Variants in LRP1B observed in about 807,000 individuals in gnomAD.
LRP1B encodes LDL receptor related protein 1B, also known as low-density lipoprotein receptor-related protein 1B.
In LRP1B, 217 loss-of-function variants were observed where a neutral mutation model predicts 556.6. The ratio of observed to expected loss-of-function variants is 0.39; its 90% CI spans 0.35 to 0.44. The LOEUF is 0.44. LRP1B is among the 20% of genes least tolerant of loss of function. The pLI is 1.00. For missense variants in LRP1B, 5,053 were observed against 5,620.8 expected (o/e 0.90, Z 3.23); for synonymous variants, 2,047 against 1,865.8 (o/e 1.10, Z -2.50).
intron 6 of LRP1B, among the ~76,000 whole-genome samples, chr2:141,219,851 G>A (rs1231264743): frequency 6.6e-6 from 1 of 152,064 alleles, no homozygotes; most frequent in African/African-American, 2.4e-5. Context: ...TACAGAAGAT[G>A]GGCCTGATTG....
Position 140,492,826 on chromosome 2 carries a change from G to T in LRP1B, c.9035-133C>A, listed in dbSNP as rs969255048. ...TCTGGTAGCTTCAGGGTTTAAAAAG[G>T]ATCATACTGAGCAACGTAGTTGGCA... On this transcript the variant is annotated intron_variant, in intron 56 of 90. Transcript: ENST00000389484. The T allele has an allele frequency of 3.8e-5, 24 of 634,822 alleles. No individual in the cohort carries two copies. In the African/African-American group the frequency reaches 4.2e-4, roughly 11 times the overall value. 39.3% of individuals were successfully genotyped at this position (634,822 alleles called of 1,614,324 possible). A position where few individuals can be genotyped will look rare whatever the true frequency, so the allele number is the denominator to read the frequency against.
At chr2:140,700,049 T>C (rs1268356047) in intron 41 of LRP1B, among the ~76,000 whole-genome samples, 1 of 143,724 alleles carries the variant, frequency 7.0e-6, no homozygotes, top group Non-Finnish European at 1.5e-5. Flanking sequence ...AATCATAATT[T>C]GCTGTACATG....
intron 89 of LRP1B, among the ~76,000 whole-genome samples, chr2:140,237,687 A>G (rs1680768654): frequency 6.6e-6 from 1 of 150,748 alleles, no homozygotes; most frequent in Admixed American, 6.6e-5. Context: ...GAAGCTGTGC[A>G]TGTATTGGTC....
chr2:140,678,002 G>A (rs569759508), intron 41 of LRP1B, among the ~76,000 whole-genome samples: 1 of 152,140 alleles, frequency 6.6e-6, no homozygotes, highest in South Asian at 2.1e-4. Flanking sequence ...TACAGATGAG[G>A]AAACTAGGAC....
chr2:141,066,435 A>G (rs570543231), intron 7 of LRP1B, among the ~76,000 whole-genome samples: 1 of 152,170 alleles, frequency 6.6e-6, no homozygotes. Flanking sequence ...GGACAGTGAC[A>G]GAGCACTGTG....
At chr2:140,919,888 C>A (rs1180085776) in intron 21 of LRP1B, among the ~76,000 whole-genome samples, 2 of 152,082 alleles carry the variant, frequency 1.3e-5, no homozygotes, top group Non-Finnish European at 2.9e-5. Context: ...CGTGAATACA[C>A]AACCATTTAT....
chr2:141,682,647 T>G (rs548040564), intron 2 of LRP1B, among the ~76,000 whole-genome samples: 2 of 152,262 alleles, frequency 1.3e-5, no homozygotes, highest in African/African-American at 2.4e-5. Context: ...ACTTTTAAAA[T>G]GATAAATATA....
At chr2:141,410,188 TTA>T (rs1365984698) in intron 3 of LRP1B, among the ~76,000 whole-genome samples, 1 of 152,040 alleles carries the variant, frequency 6.6e-6, no homozygotes, top group Non-Finnish European at 1.5e-5. Flanking sequence ...TCCCAAACTG[TTA>T]TGTGTTAAGC....
rs1251950627 is a variant in LRP1B, at chr2:140,608,801, T to A, written c.6800-7162A>T. ...AGTATTGAAGCAGATTAAAACAGCT[T>A]GAAGTTTTAAAGTGACAGTGATTTG... On this transcript the variant is annotated intron_variant, in intron 41 of 90. Coordinates refer to ENST00000389484, the MANE Select transcript of LRP1B (RefSeq NM_018557.3). Among the ~76,000 whole-genome samples the A allele has an allele frequency of 3.3e-5, 5 of 152,046 alleles. No individual in the cohort carries two copies. In the East Asian group the frequency reaches 9.6e-4, roughly 29 times the overall value.
At chr2:140,974,572 T>C (rs563238362) in intron 18 of LRP1B, among the ~76,000 whole-genome samples, 7 of 152,292 alleles carry the variant, frequency 4.6e-5, no homozygotes, top group African/African-American at 1.7e-4. Flanking sequence ...AGTAGGTGTG[T>C]ACAAACCTGC....
intron 7 of LRP1B, among the ~76,000 whole-genome samples, chr2:141,173,869 A>C (rs1174194410): frequency 6.6e-6 from 1 of 152,020 alleles, no homozygotes; most frequent in Non-Finnish European, 1.5e-5. Context: ...CTTACCTCTT[A>C]AGCCAGTTAA....
At chr2:141,261,189 G>A (rs1037080986) in intron 3 of LRP1B, among the ~76,000 whole-genome samples, 1 of 152,058 alleles carries the variant, frequency 6.6e-6, no homozygotes, top group African/African-American at 2.4e-5. Flanking sequence ...GAGCTGGTTT[G>A]CAGAGATCAG....
At chr2:141,154,626 T>A (rs1241824613) in intron 7 of LRP1B, among the ~76,000 whole-genome samples, 1 of 151,834 alleles carries the variant, frequency 6.6e-6, no homozygotes, top group Non-Finnish European at 1.5e-5. Context: ...TTTATCAGAA[T>A]GTTTTCTAGA....
At chr2:140,490,712 T>A (rs1053743269) in intron 57 of LRP1B, among the ~76,000 whole-genome samples, 8 of 152,146 alleles carry the variant, frequency 5.3e-5, no homozygotes, top group African/African-American at 1.9e-4. Context: ...AGTAAAAATA[T>A]GTTCCCTGAA....
intron 21 of LRP1B, among the ~76,000 whole-genome samples, chr2:140,910,943 C>A (rs1434655092): frequency 6.6e-6 from 1 of 151,710 alleles, no homozygotes; most frequent in Non-Finnish European, 1.5e-5. Context: ...TCATAAATAT[C>A]TTTGCACAAG....
rs1684793505 is a variant in LRP1B at position 141,263,913 on chromosome 2, T to G, written c.344-9272A>C. Among the ~76,000 whole-genome samples, 8 of 152,214 alleles carry G rather than the reference T, an allele frequency of 5.3e-5. 1 individual carries two copies. In the South Asian group the frequency reaches 1.7e-3, roughly 32 times the overall value. ...ATTTCAATAGATGCCCAAAAAGCGT[T>G]TAATAAAAAACAATACCCATTCATT... On this transcript the variant is annotated intron_variant, in intron 3 of 90. Transcript: ENST00000389484.
At chr2:141,361,993 C>G (rs528293593) in intron 3 of LRP1B, among the ~76,000 whole-genome samples, 3 of 152,260 alleles carry the variant, frequency 2.0e-5, no homozygotes, top group Non-Finnish European at 4.4e-5. Context: ...ATACCTTTAA[C>G]CATTCTGCCA....
chr2:141,995,780 A>G (rs887053167), intron 1 of LRP1B, among the ~76,000 whole-genome samples: 2 of 152,206 alleles, frequency 1.3e-5, no homozygotes, highest in Non-Finnish European at 2.9e-5. Flanking sequence ...TAAATATAAA[A>G]TGTTAGAATT....
intron 1 of LRP1B, among the ~76,000 whole-genome samples, chr2:141,942,301 T>C (rs1346864899): frequency 6.6e-6 from 1 of 152,182 alleles, no homozygotes; most frequent in Non-Finnish European, 1.5e-5. Context: ...AATAGTTATA[T>C]GGGTAATTCT....
Sources: allele counts gnomAD v4.1 joint callset (sites outside exome capture counted in the v4.1 genomes callset), GRCh38; gene constraint gnomAD v4.1.1; transcripts MANE v1.5; gene names NCBI Gene and HGNC (gene_info 2026-07-23, HGNC 2026-07-21).